Variants in LSM3 observed in about 807,000 individuals in gnomAD.
The protein encoded by LSM3 is U6 snRNA-associated Sm-like protein LSm3.
A neutral mutation model predicts 15.4 loss-of-function variants in LSM3; 14 were observed. That is an observed-to-expected ratio of 0.91 (90% CI 0.60 to 1.42). The LOEUF (loss-of-function observed/expected upper bound fraction) is 1.42, where lower values mean the gene tolerates loss of function less well. LSM3 is among the 40% of genes most tolerant of loss of function. The pLI, the probability that LSM3 is intolerant of heterozygous loss-of-function variation, is 0.00. For missense variants in LSM3, 88 were observed against 127.9 expected, an observed-to-expected ratio of 0.69 and a Z score of 1.50; for synonymous variants, 46 against 45.1, an observed-to-expected ratio of 1.02 and a Z score of -0.08.
At position 14,200,789 on chromosome 3, in the gene LSM3, T is replaced by G. The variant is rs901915982; in HGVS notation, c.*2673T>G. On this transcript the variant is annotated 3_prime_UTR_variant, in exon 4 of 4. Coordinates refer to ENST00000306024, the MANE Select transcript of LSM3 (RefSeq NM_014463.3). ...TGAAGATTTGCCCAAACTAGAGTAC[T>G]ATCCCTCTTCACACTAAGAGGCAGA... is the stretch of plus-strand genomic sequence containing the variant. 6.6e-6 allele frequency: 1 copy of G among 152,230 alleles called. No individual in the cohort carries two copies. The highest frequency in any genetic ancestry group is 2.4e-5 in the African/African-American group (1 of 41,452). The allele number at this position is 152,230 out of a possible 1,614,324, so 9.4% of individuals were successfully genotyped here. A position where few individuals can be genotyped will look rare whatever the true frequency, so the allele number is the denominator to read the frequency against.
chr3:14,181,701 C>A, intron 2 of LSM3, 31 bp downstream of exon 2: 1 of 1,449,592 alleles, frequency 6.9e-7, no homozygotes, highest in South Asian at 1.1e-5. Context: ...ACCTTGAAAT[C>A]AGATTCCTTC....
At chr3:14,193,590 C>T (rs1697160863) in intron 3 of LSM3, among the ~76,000 whole-genome samples, 1 of 152,088 alleles carries the variant, frequency 6.6e-6, no homozygotes, top group African/African-American at 2.4e-5. Context: ...CTTGTTTATT[C>T]TTTGCGAAGT....
intron 3 of LSM3, among the ~76,000 whole-genome samples, chr3:14,195,265 A>G (rs1431766994): frequency 6.6e-6 from 1 of 152,054 alleles, no homozygotes; most frequent in Non-Finnish European, 1.5e-5. Context: ...ACCTCTTCTT[A>G]AATTTTTTAG....
chr3:14,192,696 A>C (rs1193180005), intron 3 of LSM3, among the ~76,000 whole-genome samples: 1 of 152,160 alleles, frequency 6.6e-6, no homozygotes, highest in Non-Finnish European at 1.5e-5. Flanking sequence ...GGGTCTCCTG[A>C]ATACAGCACA....
chr3:14,185,501 C>T (rs1006626347), intron 3 of LSM3, among the ~76,000 whole-genome samples: 2 of 152,168 alleles, frequency 1.3e-5, no homozygotes, highest in African/African-American at 2.4e-5. Flanking sequence ...CCCGCTTAAT[C>T]GATAACAGCT....
At chr3:14,183,862 T>C in intron 2 of LSM3, 75 bp from the exon 3 acceptor site, 1 of 1,113,800 alleles carries the variant, frequency 9.0e-7, no homozygotes, top group Non-Finnish European at 1.3e-6. Context: ...ATTGAGCAAT[T>C]TGCATATTGT....
In LSM3 at chr3:14,199,401, T is replaced by A. The variant is rs1697215082; in HGVS notation, c.*1285T>A. The A allele has an allele frequency of 6.6e-6, 1 of 152,224 alleles. No homozygotes were observed. The highest frequency in any genetic ancestry group is 1.5e-5 in the Non-Finnish European group (1 of 68,040). The allele number at this position is 152,224 out of a possible 1,614,324, so 9.4% of individuals were successfully genotyped here. A position where few individuals can be genotyped will look rare whatever the true frequency, so the allele number is the denominator to read the frequency against. On this transcript the variant is annotated 3_prime_UTR_variant, in exon 4 of 4. Transcript: ENST00000306024. ...CATTTTGAAATGTAGAAAATCCAACTTGTGGATGGTTTGTCTGTAAATGAG... is the reference window on the plus strand; with the variant it reads ...CATTTTGAAATGTAGAAAATCCAACATGTGGATGGTTTGTCTGTAAATGAG...
At position 14,199,966 on chromosome 3, in the gene LSM3, C is replaced by G. The variant is rs1218698986; in HGVS notation, c.*1850C>G. 6.6e-6 allele frequency: 1 copy of G among 152,220 alleles called. No homozygotes were observed. The highest frequency in any genetic ancestry group is 1.5e-5 in the Non-Finnish European group (1 of 68,062). The allele number at this position is 152,220 out of a possible 1,614,324, so 9.4% of individuals were successfully genotyped here. A position where few individuals can be genotyped will look rare whatever the true frequency, so the allele number is the denominator to read the frequency against. On this transcript the variant is annotated 3_prime_UTR_variant, in exon 4 of 4. Coordinates refer to ENST00000306024, the MANE Select transcript of LSM3 (RefSeq NM_014463.3). The stretch of plus-strand genomic sequence containing the variant: ...CCTCGCTCTGCCAGTCTGCAGTTCT[C>G]CCCAGCACTGCATTCATTTTTAGTG...
At chr3:14,188,375 A>G (rs376058045) in intron 3 of LSM3, among the ~76,000 whole-genome samples, 3 of 152,258 alleles carry the variant, frequency 2.0e-5, no homozygotes, top group East Asian at 1.9e-4. Flanking sequence ...TACTTAACAC[A>G]TATTTCTTTT....
chr3:14,198,229 C>G lies in LSM3; in HGVS notation c.*113C>G, dbSNP rs1697203981. 2.6e-6 allele frequency: 2 copies of G among 775,738 alleles called. No homozygotes were observed. Among genetic ancestry groups the G allele is most frequent in the Admixed American group, 4.6e-5 (2 of 43,088 alleles). The allele number at this position is 775,738 out of a possible 1,614,324, so 48.1% of individuals were successfully genotyped here. On this transcript the variant is annotated 3_prime_UTR_variant, in exon 4 of 4. Transcript: ENST00000306024. ...TACATTTTGATATTAAGAAATAATTCCGGGGATTCTTCCACTCCTGAAATG... is the reference window on the plus strand; with the variant it reads ...TACATTTTGATATTAAGAAATAATTGCGGGGATTCTTCCACTCCTGAAATG...
chr3:14,191,302 T>G (rs1019985443), intron 3 of LSM3, among the ~76,000 whole-genome samples: 5 of 152,208 alleles, frequency 3.3e-5, no homozygotes, highest in Admixed American at 3.3e-4. Flanking sequence ...CCTCATAAAA[T>G]GAGTTAGGGA....
At chr3:14,184,179 C>A in intron 3 of LSM3, 147 bp downstream of exon 3, 1 of 1,096,484 alleles carries the variant, frequency 9.1e-7, no homozygotes, top group Non-Finnish European at 1.2e-6. Flanking sequence ...AGGGTTCTGG[C>A]ATCTGACAGA....
chr3:14,179,524 C>T (rs917147392), intron 1 of LSM3, among the ~76,000 whole-genome samples: 2 of 152,190 alleles, frequency 1.3e-5, no homozygotes, highest in African/African-American at 2.4e-5. Context: ...AATCTGACCT[C>T]CTCAGAGAGG....
intron 3 of LSM3, 135 bp downstream of exon 3, chr3:14,184,167 C>A: frequency 1.7e-6 from 2 of 1,181,302 alleles, no homozygotes; most frequent in Non-Finnish European, 2.2e-6. Context: ...CAATTAAAAG[C>A]AAGGGTTCTG....
chr3:14,188,301 C>G (rs1227895583), intron 3 of LSM3, among the ~76,000 whole-genome samples: 1 of 152,126 alleles, frequency 6.6e-6, no homozygotes, highest in Non-Finnish European at 1.5e-5. Context: ...TAGACCTGCT[C>G]CCTCATACAT....
In LSM3 at chr3:14,198,660, A is replaced by G. The variant is rs1697207350; in HGVS notation, c.*544A>G. Reference sequence around the variant, plus strand: ...GATCACCTGAGGTCAGGCGTTTGAGACCAGCCTGGCCAACATGGTGAAACC... The same window carrying G: ...GATCACCTGAGGTCAGGCGTTTGAGGCCAGCCTGGCCAACATGGTGAAACC... On this transcript the variant is annotated 3_prime_UTR_variant, in exon 4 of 4. Coordinates refer to ENST00000306024, the MANE Select transcript of LSM3 (RefSeq NM_014463.3). The G allele has an allele frequency of 6.5e-6, 1 of 153,062 alleles. No homozygotes were observed. Among genetic ancestry groups the G allele is most frequent in the Non-Finnish European group, 1.5e-5 (1 of 68,738 alleles). The allele number at this position is 153,062 out of a possible 1,614,324, so 9.5% of individuals were successfully genotyped here.
At chr3:14,188,972 G>A (rs541900441) in intron 3 of LSM3, among the ~76,000 whole-genome samples, 108 of 152,058 alleles carry the variant, frequency 7.1e-4, no homozygotes, top group Non-Finnish European at 1.4e-3. Flanking sequence ...CCCCCGACAG[G>A]CCCTGGTGTG....
Position 14,200,050 on chromosome 3 carries a change from T to G in LSM3, c.*1934T>G, listed in dbSNP as rs1697220789. 6.6e-6 allele frequency: 1 copy of G among 152,258 alleles called. No homozygotes were observed. Among genetic ancestry groups the G allele is most frequent in the Non-Finnish European group, 1.5e-5 (1 of 68,064 alleles). The allele number at this position is 152,258 out of a possible 1,614,324, so 9.4% of individuals were successfully genotyped here. ...TTCTTCTCTTCATTCTTAGTTATCTTTCTCCTTTTTCTCCTGGAACTGATA... is the reference window on the plus strand; with the variant it reads ...TTCTTCTCTTCATTCTTAGTTATCTGTCTCCTTTTTCTCCTGGAACTGATA... On this transcript the variant is annotated 3_prime_UTR_variant, in exon 4 of 4. Transcript: ENST00000306024.
At chr3:14,179,246 G>A (rs756215132) in intron 1 of LSM3, among the ~76,000 whole-genome samples, 21 of 152,184 alleles carry the variant, frequency 1.4e-4, no homozygotes, top group Non-Finnish European at 2.5e-4. Context: ...GTGAACATCA[G>A]CTTTGTATGG....
Sources: allele counts gnomAD v4.1 joint callset (sites outside exome capture counted in the v4.1 genomes callset), GRCh38; gene constraint gnomAD v4.1.1; transcripts MANE v1.5; gene names NCBI Gene and HGNC (gene_info 2026-07-23, HGNC 2026-07-21).